Variants in NTRK2 observed in about 807,000 individuals in gnomAD.
NTRK2 encodes the protein BDNF/NT-3 growth factors receptor.
Under a neutral mutation model 94.5 loss-of-function variants are expected in NTRK2, and 13 were observed. The observed-to-expected ratio is 0.14, with a 90% CI of 0.09 to 0.22. NTRK2 has a LOEUF of 0.22. NTRK2 is among the 10% of genes least tolerant of loss of function. NTRK2 has a pLI of 1.00. For missense variants in NTRK2, 639 were observed against 1,071.2 expected (o/e 0.60, Z 5.63); for synonymous variants, 372 against 407.4 (o/e 0.91, Z 1.05).
chr9:85,013,147 CT>C (rs1261240068), intron 17 of NTRK2, among the ~76,000 whole-genome samples: 1 of 152,130 alleles, frequency 6.6e-6, no homozygotes. Context: ...GCAGAAAAGC[CT>C]GTTTCTACCC....
intron 11 of NTRK2, among the ~76,000 whole-genome samples, chr9:84,751,241 T>C (rs2064574231): frequency 1.3e-5 from 2 of 152,156 alleles, no homozygotes; most frequent in African/African-American, 4.8e-5. Flanking sequence ...TGCACTTCAG[T>C]AGAGAGAATA....
intron 12 of NTRK2, among the ~76,000 whole-genome samples, chr9:84,784,334 G>A (rs1564267133): frequency 6.6e-6 from 1 of 152,158 alleles, no homozygotes; most frequent in Non-Finnish European, 1.5e-5. Flanking sequence ...TCTTCATAGT[G>A]GGAATGTTCA....
At chr9:84,939,672 A>G (rs2078336991) in intron 15 of NTRK2, among the ~76,000 whole-genome samples, 1 of 152,190 alleles carries the variant, frequency 6.6e-6, no homozygotes, top group Non-Finnish European at 1.5e-5. Context: ...ATCAGCTTTT[A>G]TAAAAAGAAC....
At chr9:84,992,046 C>T (rs2133326262) in intron 17 of NTRK2, among the ~76,000 whole-genome samples, 1 of 152,278 alleles carries the variant, frequency 6.6e-6, no homozygotes, top group African/African-American at 2.4e-5. Flanking sequence ...GAGGGAGGTG[C>T]TGGAATGTGG....
chr9:84,739,957 C>T (rs947954944), intron 9 of NTRK2, among the ~76,000 whole-genome samples: 3 of 152,192 alleles, frequency 2.0e-5, no homozygotes, highest in African/African-American at 7.2e-5. Flanking sequence ...CACCTTCCTG[C>T]AAGACAAATG....
chr9:84,702,503 C>G (rs965714355), intron 4 of NTRK2, 84 bp downstream of exon 4: 2 of 1,123,450 alleles, frequency 1.8e-6, no homozygotes, highest in South Asian at 2.5e-5. Context: ...TCTTTTCCAA[C>G]TTGAAACCTC....
intron 13 of NTRK2, among the ~76,000 whole-genome samples, chr9:84,864,748 T>C (rs1407263061): frequency 2.0e-5 from 3 of 146,428 alleles, no homozygotes; most frequent in Non-Finnish European, 4.5e-5. Context: ...TTTTTTTTTT[T>C]TTTTTTTTTT....
At position 84,670,788 on chromosome 9, in the gene NTRK2, C is replaced by T. The variant is rs2058651148; in HGVS notation, c.40C>T (p.Arg14Trp). 3 of 1,613,812 alleles carry T rather than the reference C, an allele frequency of 1.9e-6. No homozygotes were observed. The highest frequency in any genetic ancestry group is 3.3e-5 in the Admixed American group (2 of 60,000). The change falls in exon 2 of 19, where the codon CGG becomes TGG. Residue 14 changes from arginine (R) to tryptophan (W), a missense_variant. Around this residue, in one of 5 missense-constraint regions of NTRK2, gnomAD observed 206 missense variants for 251.5 expected, o/e 0.82. Transcript: ENST00000277120. Reference sequence around the variant, plus strand: ...AAGGTGGCATGGACCCGCCATGGCGCGGCTCTGGGGCTTCTGCTGGCTGGT... The same window carrying T: ...AAGGTGGCATGGACCCGCCATGGCGTGGCTCTGGGGCTTCTGCTGGCTGGT... ...WIRWHGPAMA[R>W]LWGFCWLVVG...
intron 15 of NTRK2, among the ~76,000 whole-genome samples, chr9:84,947,285 T>C (rs1206866161): frequency 6.6e-6 from 1 of 152,200 alleles, no homozygotes. Flanking sequence ...ACCCTTGTAA[T>C]GACATTGGGC....
rs561032533 is a variant in NTRK2, at chr9:85,000,572, C to T, written c.2173-19634C>T. Among the ~76,000 whole-genome samples the T allele has an allele frequency of 3.3e-5, 5 of 152,266 alleles. No homozygotes were observed. The South Asian group carries it at 1.0e-3, about 32-fold the overall frequency. ...TTAATAATAGGCATTTAAAGTACCT[C>T]CATGTCTTTTCATGGCTTAATAACT... On this transcript the variant is annotated intron_variant, in intron 17 of 18. Coordinates refer to ENST00000277120, the MANE Select transcript of NTRK2 (RefSeq NM_006180.6).
At chr9:84,738,878 C>T (rs560882745) in intron 9 of NTRK2, among the ~76,000 whole-genome samples, 1 of 152,218 alleles carries the variant, frequency 6.6e-6, no homozygotes, top group Admixed American at 6.5e-5. Context: ...AGTAAAGTGA[C>T]AGTACTTGTC....
At chr9:84,872,094 C>T (rs2075887191) in intron 14 of NTRK2, 1 of 1,337,960 alleles carries the variant, frequency 7.5e-7, no homozygotes, top group Non-Finnish European at 9.6e-7. Context: ...AGCTGAGGAG[C>T]TCAGCAACAT....
intron 12 of NTRK2, among the ~76,000 whole-genome samples, chr9:84,786,421 C>T (rs2068117186): frequency 2.6e-5 from 4 of 152,142 alleles, no homozygotes. Flanking sequence ...CAAGCCTAGG[C>T]TTACAAATTT....
intron 8 of NTRK2, among the ~76,000 whole-genome samples, 165 bp downstream of exon 8, chr9:84,724,521 A>G (rs1724720710): frequency 1.3e-5 from 2 of 152,162 alleles, no homozygotes; most frequent in Non-Finnish European, 1.5e-5. Context: ...TTACTGTTCA[A>G]TTTCTGCTTA....
intron 17 of NTRK2, among the ~76,000 whole-genome samples, chr9:84,990,860 A>G (rs1170135704): frequency 5.3e-5 from 8 of 152,208 alleles, no homozygotes; most frequent in Admixed American, 5.2e-4. Context: ...TTCAGAGAGG[A>G]CAATGCTGAG....
At chr9:84,740,159 G>GGACTCCATTT (rs1419600628) in intron 9 of NTRK2, among the ~76,000 whole-genome samples, 2 of 152,136 alleles carry the variant, frequency 1.3e-5, no homozygotes, top group Admixed American at 1.3e-4. Context: ...ATGGTGAGGG[G>GGACTCCATTT]GACTCCATTT....
chr9:84,904,135 C>T (rs2077009067), intron 14 of NTRK2, among the ~76,000 whole-genome samples: 1 of 152,170 alleles, frequency 6.6e-6, no homozygotes, highest in Admixed American at 6.5e-5. Context: ...TTTTAATTCT[C>T]ATTAGTAAAT....
chr9:84,785,467 C>T (rs2068028738), intron 12 of NTRK2, among the ~76,000 whole-genome samples: 1 of 152,140 alleles, frequency 6.6e-6, no homozygotes, highest in Non-Finnish European at 1.5e-5. Context: ...GGTTATAAGG[C>T]AAAATAAATA....
intron 9 of NTRK2, among the ~76,000 whole-genome samples, chr9:84,734,741 C>G (rs1274655534): frequency 1.3e-5 from 2 of 152,146 alleles, no homozygotes; most frequent in Non-Finnish European, 2.9e-5. Context: ...CACTTTCTGC[C>G]ATGATTGTGA....
Sources: gnomAD v4.1 joint callset for allele counts (sites outside exome capture counted in the v4.1 genomes callset) on GRCh38, gnomAD v4.1.1 for gene constraint, gnomAD v4.1.1 regional missense constraint, MANE v1.5 for transcripts, NCBI Gene and HGNC (gene_info 2026-07-23, HGNC 2026-07-21) for gene names.